The following SLC13A3 variants were observed in gnomAD, a reference collection of about 807,000 sequenced individuals.
The protein encoded by SLC13A3 is solute carrier family 13 member 3, also known as Na(+)/dicarboxylate cotransporter 3.
SLC13A3 carries 40 observed loss-of-function variants against 59.0 expected under a neutral mutation model. The ratio of observed to expected loss-of-function variants is 0.68; its 90% confidence interval spans 0.53 to 0.88. The LOEUF is 0.88. SLC13A3 is among the 40% of genes least tolerant of loss of function. SLC13A3 has a pLI of 0.00. For synonymous variants in SLC13A3, 317 were observed against 330.3 expected, an observed-to-expected ratio of 0.96 and a Z score of 0.44; for missense variants, 699 against 783.2, an observed-to-expected ratio of 0.89 and a Z score of 1.28.
At chr20:46,599,575 G>A (rs2062351773) in intron 4 of SLC13A3, among the ~76,000 whole-genome samples, 2 of 152,148 alleles carry the variant, frequency 1.3e-5, no homozygotes, top group South Asian at 4.1e-4. Flanking sequence ...AAGTCATGTA[G>A]GGTGAAGGGC....
chr20:46,605,358 AG>A (rs2122724852), intron 3 of SLC13A3, among the ~76,000 whole-genome samples: 1 of 152,168 alleles, frequency 6.6e-6, no homozygotes, highest in Admixed American at 6.5e-5. Context: ...CTGTGACCTC[AG>A]TGGCCCAAGA....
chr20:46,618,452 G>A (rs578207211), intron 1 of SLC13A3, among the ~76,000 whole-genome samples: 1 of 152,210 alleles, frequency 6.6e-6, no homozygotes, highest in Admixed American at 6.5e-5. Context: ...CAGTGTTTCT[G>A]TCCCCCCAGA....
At chr20:46,678,885 T>A (rs2063140217) in intron 1 of SLC13A3, among the ~76,000 whole-genome samples, 1 of 152,146 alleles carries the variant, frequency 6.6e-6, no homozygotes, top group African/African-American at 2.4e-5. Flanking sequence ...TGTGGTAATC[T>A]CTGAGTGAGC....
chr20:46,584,460 G>A, intron 8 of SLC13A3: 12 of 985,400 alleles, frequency 1.2e-5, no homozygotes, highest in Non-Finnish European at 1.4e-5. Context: ...CTGGCTCCAA[G>A]TTCAACAAAG....
At chr20:46,653,772 A>T (rs1007067104), upstream of SLC13A3, among the ~76,000 whole-genome samples, 1 of 152,192 alleles carries the variant, frequency 6.6e-6, no homozygotes, top group African/African-American at 2.4e-5. Flanking sequence ...AGCATGTGTC[A>T]TAATTCCTTT....
At position 46,659,605 on chromosome 20, in the gene SLC13A3, CCGGGG is replaced by C. The variant is rs2063014774; in HGVS notation, c.-31+10433_-31+10437del. Among the ~76,000 whole-genome samples the C allele has an allele frequency of 9.9e-5, 15 of 151,724 alleles. 1 individual carries two copies. The South Asian group carries it at 2.5e-3, about 25-fold the overall frequency. ...TTGCAGGCATCTGTAGTCCCAGCTA[CCGGGG>C]AGGCTGAGGTGGGAGGATAGCTCGA... On this transcript the variant is annotated intron_variant, in intron 1 of 12. Coordinates refer to the SLC13A3 transcript ENST00000290317.
In SLC13A3 at chr20:46,572,678, C is replaced by G. The variant is rs1013266679; in HGVS notation, c.1332+2895G>C. 1.2e-4 allele frequency among the ~76,000 whole-genome samples: 19 copies of G among 152,214 alleles called. 1 individual carries two copies. The highest frequency in any genetic ancestry group is 4.3e-4 in the African/African-American group (18 of 41,452). ...CTCAGTATCTAACCATAATAACCAA[C>G]TGTGCTGGGCTGTGTTCTCATTTCT... On this transcript the variant is annotated intron_variant, in intron 10 of 12. Coordinates refer to ENST00000279027, the MANE Select transcript of SLC13A3 (RefSeq NM_022829.6).
intron 12 of SLC13A3, 43 bp from the exon 13 acceptor site, chr20:46,560,241 C>G: frequency 6.3e-7 from 1 of 1,582,638 alleles, no homozygotes; most frequent in South Asian, 1.1e-5. Context: ...GCACCTGACC[C>G]ACCATACAGA....
intron 1 of SLC13A3, among the ~76,000 whole-genome samples, chr20:46,645,171 A>G (rs953246820): frequency 1.3e-5 from 2 of 151,966 alleles, no homozygotes; most frequent in African/African-American, 4.8e-5. Flanking sequence ...TGCTTCCATC[A>G]TCCTATTACC....
Position 46,615,023 on chromosome 20 carries a change from C to T in SLC13A3, c.112-1298G>A, listed in dbSNP as rs143221221. On this transcript the variant is annotated intron_variant, in intron 1 of 12. Transcript: ENST00000279027. ...CATTGGTGTGCACATTTGTCAAAACCTGTCAAACTACACACCTGTTCTCAT... is the reference window on the plus strand; with the variant it reads ...CATTGGTGTGCACATTTGTCAAAACTTGTCAAACTACACACCTGTTCTCAT... 5.9e-5 allele frequency among the ~76,000 whole-genome samples: 9 copies of T among 152,252 alleles called. No individual in the cohort carries two copies. In the East Asian group the frequency reaches 1.7e-3, roughly 29 times the overall value.
chr20:46,578,678 A>G (rs1332043552), intron 9 of SLC13A3, among the ~76,000 whole-genome samples: 1 of 152,142 alleles, frequency 6.6e-6, no homozygotes, highest in Admixed American at 6.6e-5. Flanking sequence ...CCTGTCTTAA[A>G]AAATAAATAA....
chr20:46,597,395 C>T (rs755495583), intron 4 of SLC13A3, among the ~76,000 whole-genome samples: 27 of 152,002 alleles, frequency 1.8e-4, no homozygotes, highest in Non-Finnish European at 2.8e-4. Flanking sequence ...TACAAAACAG[C>T]GTACATAGAA....
At chr20:46,584,109 C>A in intron 8 of SLC13A3, 1 of 985,378 alleles carries the variant, frequency 1.0e-6, no homozygotes, top group Non-Finnish European at 1.2e-6. Flanking sequence ...ACCAGTGGAA[C>A]CCAGATTGAC....
chr20:46,639,449 ACT>A (rs1272162814), intron 1 of SLC13A3, among the ~76,000 whole-genome samples: 1 of 152,036 alleles, frequency 6.6e-6, no homozygotes, highest in East Asian at 1.9e-4. Context: ...ACAGAGTGAG[ACT>A]CTGTCTCAGA....
rs773149390 is a variant in SLC13A3 at position 46,599,970 on chromosome 20, C to A, written c.608+1G>T. ...CTCTATGAATTTCACCAGTAACTTA[C>A]GCTTCTGTGCTGGCGAGAAACTGCA... On this transcript the variant is annotated splice_donor_variant, in intron 4 of 12. Coordinates refer to ENST00000279027, the MANE Select transcript of SLC13A3 (RefSeq NM_022829.6). LOFTEE classifies it high-confidence loss of function. 6.4e-7 allele frequency: 1 copy of A among 1,561,450 alleles called. No individual in the cohort carries two copies. Among genetic ancestry groups the A allele is most frequent in the African/African-American group, 1.4e-5 (1 of 73,832 alleles).
chr20:46,565,777 C>T (rs1288877054), intron 11 of SLC13A3, among the ~76,000 whole-genome samples: 3 of 152,192 alleles, frequency 2.0e-5, no homozygotes, highest in Non-Finnish European at 4.4e-5. Context: ...CCAGGGATGC[C>T]ACTACACACC....
chr20:46,629,363 A>T (rs2062713057), intron 1 of SLC13A3, among the ~76,000 whole-genome samples: 1 of 152,186 alleles, frequency 6.6e-6, no homozygotes, highest in African/African-American at 2.4e-5. Context: ...CATTAATGTT[A>T]CCACAATTTG....
chr20:46,683,362 G>C (rs2063162946), intron 1 of SLC13A3, among the ~76,000 whole-genome samples: 1 of 152,196 alleles, frequency 6.6e-6, no homozygotes. Flanking sequence ...CTGGGGGCCA[G>C]GCATGTCTAA....
intron 1 of SLC13A3, among the ~76,000 whole-genome samples, chr20:46,681,454 G>A (rs553259070): frequency 1.3e-5 from 2 of 151,876 alleles, no homozygotes; most frequent in Admixed American, 1.3e-4. Context: ...GGGGAAGGAG[G>A]GAGGAGGGAG....
Sources: allele counts gnomAD v4.1 joint callset (sites outside exome capture counted in the v4.1 genomes callset), GRCh38; gene constraint gnomAD v4.1.1; transcripts MANE v1.5; gene names NCBI Gene and HGNC (gene_info 2026-07-23, HGNC 2026-07-21).